The following CNTNAP2 variants were observed in gnomAD, a reference collection of about 807,000 sequenced individuals.
CNTNAP2 encodes contactin-associated protein-like 2.
A neutral mutation model predicts 155.2 loss-of-function variants in CNTNAP2; 98 were observed. The observed-to-expected ratio is 0.63, with a 90% CI of 0.54 to 0.75. The LOEUF is 0.75. Ranked by LOEUF, CNTNAP2 falls within the 30% of genes least tolerant of loss-of-function variation. CNTNAP2 has a pLI of 0.00. For synonymous variants in CNTNAP2, 651 were observed against 631.2 expected (o/e 1.03, Z -0.47); for missense variants, 1,727 against 1,688.1 (o/e 1.02, Z -0.40).
chr7:146,653,754 A>G (rs1392866530), intron 1 of CNTNAP2, among the ~76,000 whole-genome samples: 1 of 152,178 alleles, frequency 6.6e-6, no homozygotes, highest in Non-Finnish European at 1.5e-5. Context: ...ATTTATAGAA[A>G]CATGGGTGGG....
At chr7:146,323,108 G>A (rs6951837) in intron 1 of CNTNAP2, among the ~76,000 whole-genome samples, 6,926 of 152,080 alleles carry the variant, frequency 0.046, 540 homozygotes, top group African/African-American at 0.16. Flanking sequence ...TGGAAATGCC[G>A]TGTAAGAAGT....
chr7:147,450,133 G>T (rs960515881), intron 10 of CNTNAP2, among the ~76,000 whole-genome samples: 2 of 152,136 alleles, frequency 1.3e-5, no homozygotes, highest in African/African-American at 4.8e-5. Flanking sequence ...CAAATCAGCC[G>T]AATGTAATCA....
chr7:146,119,340 A>G (rs1173299180), intron 1 of CNTNAP2, among the ~76,000 whole-genome samples: 4 of 152,130 alleles, frequency 2.6e-5, no homozygotes, highest in Admixed American at 2.0e-4. Context: ...TCAAATATGT[A>G]TTTGCTTATG....
At chr7:147,187,454 C>G (rs144854780) in intron 8 of CNTNAP2, among the ~76,000 whole-genome samples, 1 of 152,186 alleles carries the variant, frequency 6.6e-6, no homozygotes, top group Non-Finnish European at 1.5e-5. Flanking sequence ...GAATTATGTC[C>G]TATGAAGCAA....
intron 3 of CNTNAP2, among the ~76,000 whole-genome samples, chr7:146,855,968 C>A (rs1314144106): frequency 6.6e-6 from 1 of 151,102 alleles, no homozygotes; most frequent in East Asian, 1.9e-4. Context: ...ATACAATTAT[C>A]ATCTAAAAGA....
chr7:148,287,787 C>CTTTTTTTTTTTTT (rs1230237736), intron 21 of CNTNAP2, among the ~76,000 whole-genome samples: 5 of 64,902 alleles, frequency 7.7e-5, no homozygotes, highest in Admixed American at 2.6e-4. Context: ...TTCTTTCTTT[C>CTTTTTTTTTTTTT]TTTTTTTCTT....
rs186898116 is a variant in CNTNAP2, at chr7:147,083,713, T to A, written c.551-24434T>A. On this transcript the variant is annotated intron_variant, in intron 4 of 23. Coordinates refer to ENST00000361727, the MANE Select transcript of CNTNAP2 (RefSeq NM_014141.6). ...ACATAGATATATAATGTATTATATATTTATATAGCATGTGTATATACATAT... is the reference window on the plus strand; with the variant it reads ...ACATAGATATATAATGTATTATATAATTATATAGCATGTGTATATACATAT... Among the ~76,000 whole-genome samples, 663 of 144,810 alleles carry A rather than the reference T, an allele frequency of 4.6e-3. 6 individuals carry two copies. The highest frequency in any genetic ancestry group is 0.015 in the African/African-American group (598 of 39,902).
At chr7:148,047,947 A>G (rs1802803444) in intron 15 of CNTNAP2, among the ~76,000 whole-genome samples, 1 of 151,586 alleles carries the variant, frequency 6.6e-6, no homozygotes, top group African/African-American at 2.4e-5. Flanking sequence ...GTTTTGAGAC[A>G]GAGTCTCGCT....
chr7:146,316,717 G>C (rs893648637), intron 1 of CNTNAP2, among the ~76,000 whole-genome samples: 1 of 151,720 alleles, frequency 6.6e-6, no homozygotes, highest in Non-Finnish European at 1.5e-5. Flanking sequence ...TTATAACTGT[G>C]TCCTGTATGA....
Position 148,374,215 on chromosome 7 carries a change from G to C in CNTNAP2, c.3476-9434G>C, listed in dbSNP as rs113961890. Among the ~76,000 whole-genome samples, 505 of 151,670 alleles carry C rather than the reference G, an allele frequency of 3.3e-3. 2 individuals carry two copies. Among genetic ancestry groups the C allele is most frequent in the Middle Eastern group, 0.017 (5 of 292 alleles). ...CAAAGGATTTTTTTTTCTTCTCTTG[G>C]GTAAGATAGCTTTAGAGGCCTTCTG... On this transcript the variant is annotated intron_variant, in intron 21 of 23. Transcript: ENST00000361727.
At chr7:147,982,592 A>G (rs1360316999) in intron 15 of CNTNAP2, among the ~76,000 whole-genome samples, 1 of 152,242 alleles carries the variant, frequency 6.6e-6, no homozygotes, top group Non-Finnish European at 1.5e-5. Context: ...ACTGATGGAG[A>G]TTCATCAAGA....
At chr7:148,109,854 G>A (rs1417326113) in intron 15 of CNTNAP2, among the ~76,000 whole-genome samples, 1 of 152,196 alleles carries the variant, frequency 6.6e-6, no homozygotes, top group African/African-American at 2.4e-5. Flanking sequence ...GAGTCCTGAA[G>A]ACCTTCCTCT....
chr7:147,775,248 T>A (rs1366616798), intron 13 of CNTNAP2, among the ~76,000 whole-genome samples: 8 of 118,010 alleles, frequency 6.8e-5, no homozygotes, highest in African/African-American at 2.6e-4. Flanking sequence ...TATATTTATA[T>A]ATATATTTAT....
intron 1 of CNTNAP2, among the ~76,000 whole-genome samples, chr7:146,728,973 C>G (rs1018656882): frequency 1.3e-5 from 2 of 152,206 alleles, no homozygotes; most frequent in Non-Finnish European, 2.9e-5. Context: ...TGAGAGGTGG[C>G]TACTTGATAT....
intron 9 of CNTNAP2, among the ~76,000 whole-genome samples, chr7:147,327,939 G>C (rs1795490937): frequency 6.6e-6 from 1 of 151,788 alleles, no homozygotes; most frequent in Non-Finnish European, 1.5e-5. Flanking sequence ...TAGTTGATTA[G>C]AAACCAAAGA....
intron 14 of CNTNAP2, among the ~76,000 whole-genome samples, chr7:147,964,844 T>C (rs936423644): frequency 1.4e-4 from 22 of 152,206 alleles, no homozygotes; most frequent in African/African-American, 4.8e-4. Context: ...TAAAATCTAA[T>C]TAACTGAAGT....
chr7:148,176,823 G>A (rs557584732), intron 18 of CNTNAP2, among the ~76,000 whole-genome samples: 36 of 152,266 alleles, frequency 2.4e-4, no homozygotes, highest in Admixed American at 4.6e-4. Context: ...GAGGCTGAGG[G>A]GAGAATCATC....
At chr7:147,164,390 G>C (rs1004077412) in intron 8 of CNTNAP2, among the ~76,000 whole-genome samples, 1 of 152,172 alleles carries the variant, frequency 6.6e-6, no homozygotes, top group Non-Finnish European at 1.5e-5. Flanking sequence ...GACTTGAAAA[G>C]ACTTATAGAA....
chr7:148,160,487 T>C (rs1215454179), intron 17 of CNTNAP2, among the ~76,000 whole-genome samples: 1 of 152,166 alleles, frequency 6.6e-6, no homozygotes, highest in Admixed American at 6.5e-5. Flanking sequence ...AATATTCCTG[T>C]TATAACCTGG....
Sources: allele counts gnomAD v4.1 joint callset (sites outside exome capture counted in the v4.1 genomes callset), GRCh38; gene constraint gnomAD v4.1.1; transcripts MANE v1.5; gene names NCBI Gene and HGNC (gene_info 2026-07-23, HGNC 2026-07-21).